Variants in TNKS2 observed in about 807,000 individuals in gnomAD.
The protein encoded by TNKS2 is poly [ADP-ribose] polymerase tankyrase-2.
Under a neutral mutation model 137.6 loss-of-function variants are expected in TNKS2, and 72 were observed. The observed-to-expected ratio is 0.52, with a 90% CI of 0.43 to 0.64. The LOEUF (loss-of-function observed/expected upper bound fraction) is 0.64, where lower values mean the gene tolerates loss of function less well. Ranked by LOEUF, TNKS2 falls within the 30% of genes least tolerant of loss-of-function variation. The probability of loss-of-function intolerance (pLI) is 0.00; values close to 1 mark genes in which losing one functional copy is unlikely to be tolerated. For synonymous variants in TNKS2, 516 were observed against 512.1 expected (o/e 1.01, Z -0.10); for missense variants, 1,049 against 1,410.2 (o/e 0.74, Z 4.10).
At chr10:91,820,891 G>A (rs1844866498) in intron 6 of TNKS2, among the ~76,000 whole-genome samples, 1 of 152,152 alleles carries the variant, frequency 6.6e-6, no homozygotes, top group African/African-American at 2.4e-5. Flanking sequence ...AATGAGCGAG[G>A]AATAAAAGGA....
intron 1 of TNKS2, among the ~76,000 whole-genome samples, chr10:91,809,225 G>GA (rs1242262033): frequency 6.6e-6 from 1 of 152,074 alleles, no homozygotes; most frequent in Non-Finnish European, 1.5e-5. Flanking sequence ...CAACGTATGT[G>GA]AAAAAAAGTG....
At chr10:91,813,239 ATGT>A (rs765185788) in intron 2 of TNKS2, 32 bp downstream of exon 2, 15 of 1,548,506 alleles carry the variant, frequency 9.7e-6, no homozygotes, top group African/African-American at 5.4e-5. Context: ...ACTTTTACTA[ATGT>A]TGTAACTATT....
intron 12 of TNKS2, among the ~76,000 whole-genome samples, chr10:91,835,720 C>A (rs1336641809): frequency 6.6e-6 from 1 of 150,902 alleles, no homozygotes; most frequent in East Asian, 2.0e-4. Context: ...CTCTGCCTCC[C>A]AGGTTCAAGT....
At chr10:91,856,686 TTTG>T (rs985001967) in intron 23 of TNKS2, among the ~76,000 whole-genome samples, 35 of 152,300 alleles carry the variant, frequency 2.3e-4, no homozygotes, top group Admixed American at 1.0e-3. Context: ...ACGGGTTTTT[TTTG>T]TTGTTGTTGT....
At position 91,798,767 on chromosome 10, in the gene TNKS2, G is replaced by T; in HGVS notation, c.77G>T (p.Arg26Leu). Residue 26 changes from arginine to leucine, a missense_variant, in exon 1 of 27, where the codon CGA becomes CTA. By Grantham distance (102) the Arg-to-Leu change is moderately radical. Coordinates refer to ENST00000371627, the MANE Select transcript of TNKS2 (RefSeq NM_025235.4). ...GCCGAGGCCGTGGAGCCGGCCGCCC[G>T]AGAGCTGTTCGAGGCGTGCCGCAAC... is the stretch of plus-strand genomic sequence containing the variant. ...AAAEAVEPAA[R>L]ELFEACRNGD... The T allele has an allele frequency of 7.9e-7, 1 of 1,267,298 alleles. No homozygotes were observed. Among genetic ancestry groups the T allele is most frequent in the South Asian group, 3.2e-5 (1 of 31,100 alleles). 78.5% of individuals were successfully genotyped at this position (1,267,298 alleles called of 1,614,324 possible).
At chr10:91,822,078 A>C (rs1362652228) in intron 6 of TNKS2, among the ~76,000 whole-genome samples, 1 of 152,248 alleles carries the variant, frequency 6.6e-6, no homozygotes, top group Admixed American at 6.5e-5. Flanking sequence ...GTAGCAGTGA[A>C]GTATAAAGGA....
chr10:91,801,400 G>C (rs1844161385), intron 1 of TNKS2, among the ~76,000 whole-genome samples: 1 of 151,848 alleles, frequency 6.6e-6, no homozygotes, highest in Non-Finnish European at 1.5e-5. Context: ...GGAGAAAAAT[G>C]ACTCTGTAAA....
chr10:91,803,340 C>A lies in TNKS2; in HGVS notation c.199+4451C>A, dbSNP rs142986120. ...CCAGCCTGGGCAACAATGGTGACAC[C>A]TCATCTCTACAAGAAAATAGAAAAA... is the stretch of plus-strand genomic sequence containing the variant. On this transcript the variant is annotated intron_variant, in intron 1 of 26. Transcript: ENST00000371627. 3.3e-5 allele frequency among the ~76,000 whole-genome samples: 5 copies of A among 152,172 alleles called. No homozygotes were observed. The East Asian group carries it at 9.7e-4, about 29-fold the overall frequency.
At chr10:91,846,475 C>G (rs1842376904) in intron 18 of TNKS2, among the ~76,000 whole-genome samples, 1 of 152,184 alleles carries the variant, frequency 6.6e-6, no homozygotes, top group South Asian at 2.1e-4. Context: ...TTTTCCTTCC[C>G]CTCTCTCCAG....
At chr10:91,834,097 G>A (rs1287698806) in intron 12 of TNKS2, 73 bp downstream of exon 12, 1 of 1,232,120 alleles carries the variant, frequency 8.1e-7, no homozygotes, top group Non-Finnish European at 1.1e-6. Context: ...AGGTATTATA[G>A]GTAGGAGTTG....
intron 21 of TNKS2, among the ~76,000 whole-genome samples, chr10:91,852,520 A>G (rs1842575548): frequency 6.6e-6 from 1 of 152,256 alleles, no homozygotes; most frequent in Non-Finnish European, 1.5e-5. Flanking sequence ...AGATCACGCC[A>G]CTGCACTGCA....
intron 12 of TNKS2, among the ~76,000 whole-genome samples, chr10:91,835,821 T>C (rs1325703311): frequency 6.7e-6 from 1 of 149,080 alleles, no homozygotes; most frequent in Non-Finnish European, 1.5e-5. Flanking sequence ...TTGCCGAGTC[T>C]GGTCTCCAAC....
Position 91,828,402 on chromosome 10 carries a change from C to A in TNKS2, c.1100C>A (p.Ala367Glu). Residue 367 changes from alanine to glutamate, a missense_variant, in exon 9 of 27, where the codon GCA becomes GAA. By Grantham distance (107) the Ala-to-Glu change is moderately radical (BLOSUM62 -1). This residue lies in a region of TNKS2 where 374 missense variants were observed against 460.8 expected (regional missense o/e 0.81). Coordinates refer to ENST00000371627, the MANE Select transcript of TNKS2 (RefSeq NM_025235.4). ...AAGCATCCTCAAACACATGAAACAG[C>A]ATTGGTAATGTTTCAGATTTAAGTT... ...NFKHPQTHET[A>E]LHCAAASPYP... The A allele has an allele frequency of 6.4e-7, 1 of 1,569,624 alleles. No homozygotes were observed. Among genetic ancestry groups the A allele is most frequent in the Non-Finnish European group, 8.6e-7 (1 of 1,161,888 alleles).
chr10:91,848,813 G>C (rs185840333), intron 19 of TNKS2, among the ~76,000 whole-genome samples, 178 bp downstream of exon 19: 2 of 152,098 alleles, frequency 1.3e-5, no homozygotes, highest in Admixed American at 6.6e-5. Flanking sequence ...GACAGTTGAA[G>C]AGTCTTGTGC....
rs763642041 is a variant in TNKS2, at chr10:91,848,559, T to C, written c.2535T>C (p.Ser845=). 4 of 1,614,168 alleles carry C rather than the reference T, an allele frequency of 2.5e-6. No homozygotes were observed. The highest frequency in any genetic ancestry group is 3.4e-6 in the Non-Finnish European group (4 of 1,180,030). The change falls in exon 19 of 27, where the codon TCT becomes TCC. Residue 845 remains serine, a synonymous_variant. Transcript: ENST00000371627. ...LSAASSLDNL[S]GSFSELSSVV... ...CAGCCAGCAGTCTTGACAACTTATC[T>C]GGGAGTTTTTCAGAACTGTCTTCAG...
intron 15 of TNKS2, 26 bp from the exon 16 acceptor site, chr10:91,842,145 CT>C (rs769856504): frequency 1.2e-5 from 18 of 1,550,354 alleles, no homozygotes; most frequent in Admixed American, 8.7e-5. Flanking sequence ...CCATTTCCCC[CT>C]TTTTTTCTGT....
chr10:91,862,266 A>T, intron 26 of TNKS2, 111 bp downstream of exon 26: 1 of 863,572 alleles, frequency 1.2e-6, no homozygotes, highest in Non-Finnish European at 1.6e-6. Flanking sequence ...TTTTTTAAAA[A>T]TTTTATTTGG....
intron 13 of TNKS2, among the ~76,000 whole-genome samples, chr10:91,839,583 C>T (rs1842146745): frequency 6.6e-6 from 1 of 152,108 alleles, no homozygotes; most frequent in Non-Finnish European, 1.5e-5. Context: ...TGAGCCACCA[C>T]GTTCAGCCTA....
intron 21 of TNKS2, 70 bp downstream of exon 21, chr10:91,851,406 T>G: frequency 7.4e-6 from 11 of 1,476,582 alleles, no homozygotes; most frequent in Non-Finnish European, 9.8e-6. Flanking sequence ...GTGTACTAAG[T>G]TATAATTTAA....
Sources: gnomAD v4.1 joint callset for allele counts (sites outside exome capture counted in the v4.1 genomes callset) on GRCh38, gnomAD v4.1.1 for gene constraint, gnomAD v4.1.1 regional missense constraint, MANE v1.5 for transcripts, NCBI Gene and HGNC (gene_info 2026-07-23, HGNC 2026-07-21) for gene names.